The following TBC1D22A variants were observed in gnomAD, a reference collection of about 807,000 sequenced individuals.
The protein encoded by TBC1D22A is TBC1 domain family member 22A.
A neutral mutation model predicts 60.2 loss-of-function variants in TBC1D22A; 38 were observed. The ratio of observed to expected loss-of-function variants is 0.63; its 90% CI spans 0.49 to 0.83. The LOEUF is 0.83. Ranked by LOEUF, TBC1D22A falls within the 40% of genes least tolerant of loss-of-function variation. TBC1D22A has a pLI of 0.00. For missense variants in TBC1D22A, 628 were observed against 701.0 expected, an observed-to-expected ratio of 0.90 and a Z score of 1.18; for synonymous variants, 302 against 281.7, an observed-to-expected ratio of 1.07 and a Z score of -0.72.
chr22:46,969,550 G>A (rs1402127402), intron 8 of TBC1D22A, among the ~76,000 whole-genome samples: 6 of 152,248 alleles, frequency 3.9e-5, no homozygotes, highest in Admixed American at 2.0e-4. Flanking sequence ...GAAGGCAAGC[G>A]AGATGGTTTT....
At chr22:46,976,598 G>A (rs939740612) in intron 9 of TBC1D22A, among the ~76,000 whole-genome samples, 3 of 152,208 alleles carry the variant, frequency 2.0e-5, no homozygotes, top group Admixed American at 6.5e-5. Context: ...CGACCTGGCC[G>A]CTTCTGCCTC....
chr22:46,895,324 T>C (rs1014354816), intron 7 of TBC1D22A, among the ~76,000 whole-genome samples: 1 of 152,364 alleles, frequency 6.6e-6, no homozygotes, highest in Middle Eastern at 3.4e-3. Context: ...TTTGGGTCTT[T>C]TGGAGCTGCA....
chr22:46,923,936 TTC>T (rs1213514667), intron 8 of TBC1D22A, among the ~76,000 whole-genome samples: 1 of 152,244 alleles, frequency 6.6e-6, no homozygotes, highest in Admixed American at 6.5e-5. Context: ...TAGTTTTTCT[TTC>T]CTTTAGGCAT....
At chr22:46,802,129 C>A (rs1284037579) in intron 4 of TBC1D22A, among the ~76,000 whole-genome samples, 1 of 152,178 alleles carries the variant, frequency 6.6e-6, no homozygotes, top group East Asian at 1.9e-4. Flanking sequence ...CCTGCAGGGT[C>A]CTCGTGAAGG....
intron 4 of TBC1D22A, among the ~76,000 whole-genome samples, chr22:46,821,708 G>A (rs2085839202): frequency 6.6e-6 from 1 of 152,078 alleles, no homozygotes; most frequent in Non-Finnish European, 1.5e-5. Flanking sequence ...TGATGATTAT[G>A]TGTCTTGCGG....
chr22:47,157,267 G>C (rs142964879), intron 12 of TBC1D22A, among the ~76,000 whole-genome samples: 3 of 152,206 alleles, frequency 2.0e-5, no homozygotes, highest in African/African-American at 7.2e-5. Flanking sequence ...AAACCACTCC[G>C]GGCATGTGAA....
chr22:46,769,879 A>G (rs1306004941), intron 1 of TBC1D22A, among the ~76,000 whole-genome samples: 1 of 152,110 alleles, frequency 6.6e-6, no homozygotes, highest in Non-Finnish European at 1.5e-5. Context: ...CAGGGTACAC[A>G]TGGCACACTC....
At chr22:46,972,712 A>G (rs919669465) in intron 8 of TBC1D22A, among the ~76,000 whole-genome samples, 3 of 152,276 alleles carry the variant, frequency 2.0e-5, no homozygotes, top group East Asian at 3.9e-4. Context: ...ACTAGCGGTG[A>G]CGCTTGTGAC....
At position 46,917,208 on chromosome 22, in the gene TBC1D22A, C is replaced by G. The variant is rs140481059; in HGVS notation, c.1015+5020C>G. 6.9e-4 allele frequency among the ~76,000 whole-genome samples: 105 copies of G among 152,268 alleles called. No individual in the cohort carries two copies. In the East Asian group the frequency reaches 0.015, roughly 22 times the overall value. On this transcript the variant is annotated intron_variant, in intron 8 of 12. Coordinates refer to ENST00000337137, the MANE Select transcript of TBC1D22A (RefSeq NM_014346.5). ...ACAGCAAGGCACGTGCTACTTTGGA[C>G]TTAGTTCAGGCCATGGAAGAAGGCA...
chr22:46,911,091 G>A (rs181864540), intron 7 of TBC1D22A, among the ~76,000 whole-genome samples: 25 of 152,232 alleles, frequency 1.6e-4, no homozygotes, highest in Admixed American at 9.2e-4. Flanking sequence ...ACATGTGCAC[G>A]TGTATGGTGT....
At position 46,797,544 on chromosome 22, in the gene TBC1D22A, C is replaced by G. The variant is rs752916130; in HGVS notation, c.561C>G (p.Ser187Arg). Residue 187 changes from serine (S) to arginine (R), a missense_variant, in exon 4 of 13, where the codon AGC (serine) becomes AGG (arginine). Physicochemically the swap from Ser to Arg is moderately radical, Grantham distance 110. Coordinates refer to ENST00000337137, the MANE Select transcript of TBC1D22A (RefSeq NM_014346.5). ...GGTSDPSTLS[S>R]SALSEREASR... ...CATCTGACCCCAGCACTCTCAGCAG[C>G]TCAGCGCTGAGCGAAAGAGAGGCCT... 1.9e-6 allele frequency: 3 copies of G among 1,613,840 alleles called. No individual in the cohort carries two copies.
At chr22:46,946,491 C>T (rs1026413970) in intron 8 of TBC1D22A, among the ~76,000 whole-genome samples, 6 of 152,138 alleles carry the variant, frequency 3.9e-5, no homozygotes, top group African/African-American at 7.2e-5. Flanking sequence ...AAGCCTGAGG[C>T]CGGCCAGCCA....
chr22:47,007,059 G>T (rs1035026531), intron 10 of TBC1D22A, among the ~76,000 whole-genome samples: 1 of 152,198 alleles, frequency 6.6e-6, no homozygotes, highest in Non-Finnish European at 1.5e-5. Context: ...CGGTACACCT[G>T]CTGGGAGGGG....
intron 12 of TBC1D22A, among the ~76,000 whole-genome samples, chr22:47,160,279 G>C (rs1422495651): frequency 6.6e-6 from 1 of 152,226 alleles, no homozygotes; most frequent in East Asian, 1.9e-4. Flanking sequence ...CAGGATACAG[G>C]GTGGGTGCCC....
chr22:46,934,851 G>T (rs1476076194), intron 8 of TBC1D22A, among the ~76,000 whole-genome samples: 1 of 152,184 alleles, frequency 6.6e-6, no homozygotes, highest in African/African-American at 2.4e-5. Flanking sequence ...CTGTCCAGGG[G>T]CCCTCCCTGG....
intron 8 of TBC1D22A, among the ~76,000 whole-genome samples, chr22:46,956,167 G>C (rs1028264238): frequency 6.6e-6 from 1 of 152,174 alleles, no homozygotes; most frequent in African/African-American, 2.4e-5. Flanking sequence ...GAATTCATCT[G>C]TTGAAGTCCT....
intron 11 of TBC1D22A, among the ~76,000 whole-genome samples, chr22:47,075,359 G>A (rs974537538): frequency 5.3e-5 from 8 of 152,012 alleles, no homozygotes; most frequent in African/African-American, 1.7e-4. Context: ...ATGATCCTGA[G>A]AACTCCCAGA....
In TBC1D22A at chr22:47,053,604, C is replaced by T. The variant is rs572122399; in HGVS notation, c.1329+16406C>T. On this transcript the variant is annotated intron_variant, in intron 11 of 12. Coordinates refer to ENST00000337137, the MANE Select transcript of TBC1D22A (RefSeq NM_014346.5). Reference sequence around the variant, plus strand: ...AAGGCCAAGCCCTCAGAGACGCCAGCGAGGAGGGAGGCCTCTGTGCACAGC... The same window carrying T: ...AAGGCCAAGCCCTCAGAGACGCCAGTGAGGAGGGAGGCCTCTGTGCACAGC... 5.3e-5 allele frequency among the ~76,000 whole-genome samples: 8 copies of T among 152,336 alleles called. No individual in the cohort carries two copies. The South Asian group carries it at 1.0e-3, about 20-fold the overall frequency.
intron 3 of TBC1D22A, among the ~76,000 whole-genome samples, chr22:46,796,200 A>C (rs544929563): frequency 5.0e-4 from 76 of 152,200 alleles, no homozygotes; most frequent in Non-Finnish European, 9.0e-4. Context: ...ACAGGGCGGT[A>C]CTCTGAAGTC....
Sources: allele counts gnomAD v4.1 joint callset (sites outside exome capture counted in the v4.1 genomes callset), GRCh38; gene constraint gnomAD v4.1.1; transcripts MANE v1.5; gene names NCBI Gene and HGNC (gene_info 2026-07-23, HGNC 2026-07-21).